The following SLC15A5 variants were observed in gnomAD, a reference collection of about 807,000 sequenced individuals.
The protein encoded by SLC15A5 is solute carrier family 15 member 5, also known as Peptide/histidine transporter ENSP00000340402.
A neutral mutation model predicts 56.1 loss-of-function variants in SLC15A5; 58 were observed. That is an observed-to-expected ratio of 1.03 (90% CI 0.84 to 1.29). SLC15A5 has a LOEUF of 1.29. Ranked by LOEUF, SLC15A5 falls within the 50% of genes most tolerant of loss-of-function variation. The pLI, the probability that SLC15A5 is intolerant of heterozygous loss-of-function variation, is 0.00. For missense variants in SLC15A5, 681 were observed against 672.1 expected, an observed-to-expected ratio of 1.01 and a Z score of -0.15; for synonymous variants, 264 against 250.5, an observed-to-expected ratio of 1.05 and a Z score of -0.51.
At chr12:16,193,835 G>C (rs912922912) in intron 8 of SLC15A5, among the ~76,000 whole-genome samples, 1 of 138,524 alleles carries the variant, frequency 7.2e-6, no homozygotes, top group Non-Finnish European at 1.5e-5. Flanking sequence ...GAGAGAGAGA[G>C]AGAGAGAGAG....
chr12:16,201,345 T>G (rs1169601741), intron 7 of SLC15A5, among the ~76,000 whole-genome samples: 2 of 152,076 alleles, frequency 1.3e-5, no homozygotes, highest in Non-Finnish European at 2.9e-5. Context: ...CAAAATATAC[T>G]ACAAAGCTAT....
chr12:16,273,533 C>T (rs1864784230), intron 1 of SLC15A5, among the ~76,000 whole-genome samples: 1 of 151,996 alleles, frequency 6.6e-6, no homozygotes. Context: ...TTTTGCTAAG[C>T]TCTTTATATT....
intron 7 of SLC15A5, among the ~76,000 whole-genome samples, chr12:16,213,080 C>T (rs1393516802): frequency 1.3e-5 from 2 of 151,946 alleles, no homozygotes; most frequent in African/African-American, 2.4e-5. Flanking sequence ...CTGATTGTAC[C>T]CATTTTGTAC....
At chr12:16,215,781 T>G (rs1162134951) in intron 7 of SLC15A5, among the ~76,000 whole-genome samples, 1 of 152,162 alleles carries the variant, frequency 6.6e-6, no homozygotes, top group Non-Finnish European at 1.5e-5. Flanking sequence ...CAGTCAAGGA[T>G]TAGTAGGTTT....
chr12:16,239,383 G>A (rs1864388308), intron 5 of SLC15A5, among the ~76,000 whole-genome samples: 1 of 152,166 alleles, frequency 6.6e-6, no homozygotes, highest in Non-Finnish European at 1.5e-5. Flanking sequence ...ATAGACTTAA[G>A]GGGTAAGGAC....
Position 16,272,678 on chromosome 12 carries a change from T to G in SLC15A5, c.467A>C (p.Tyr156Ser). 1 of 1,537,168 alleles carries G rather than the reference T, an allele frequency of 6.5e-7. No homozygotes were observed. The highest frequency in any genetic ancestry group is 8.7e-7 in the Non-Finnish European group (1 of 1,146,762). The stretch of plus-strand genomic sequence containing the variant: ...AAGGCAAATGGTCAGCAGTGCTACA[T>G]AAAACAGCCTGTGCTGCTCTGTTTT... ...IPKTEQHRLF[Y>S]VALLTICLGI... Residue 156 changes from tyrosine to serine, a missense_variant, in exon 2 of 9, where the codon TAT (tyrosine) becomes TCT (serine). Tyr to Ser is a moderately radical substitution (Grantham distance 144). Coordinates refer to ENST00000344941, the MANE Select transcript of SLC15A5 (RefSeq NM_001170798.1).
intron 2 of SLC15A5, 31 bp downstream of exon 2, chr12:16,272,530 C>T: frequency 6.6e-7 from 1 of 1,525,228 alleles, no homozygotes; most frequent in Non-Finnish European, 8.8e-7. Context: ...TGGTCATAAG[C>T]CTCTTTTCTC....
chr12:16,264,672 A>G (rs913798463), intron 2 of SLC15A5, among the ~76,000 whole-genome samples: 1 of 152,126 alleles, frequency 6.6e-6, no homozygotes, highest in Non-Finnish European at 1.5e-5. Flanking sequence ...CAGGTGGGAG[A>G]TGATAGAATC....
Position 16,228,048 on chromosome 12 carries a change from GAAAGATGGCAGTGGTA to G in SLC15A5, c.1163-3462_1163-3447del, listed in dbSNP as rs1864260334. 2.0e-5 allele frequency among the ~76,000 whole-genome samples: 3 copies of G among 152,304 alleles called. No homozygotes were observed. The South Asian group carries it at 6.2e-4, about 32-fold the overall frequency. The stretch of plus-strand genomic sequence containing the variant: ...TTATGAATATGAATCCAGGTGACTG[GAAAGATGGCAGTGGTA>G]ATATAAGTAAGAACCATAGTAGATA... On this transcript the variant is annotated intron_variant, in intron 5 of 8. Coordinates refer to ENST00000344941, the MANE Select transcript of SLC15A5 (RefSeq NM_001170798.1).
At chr12:16,213,445 A>G (rs1864102250) in intron 7 of SLC15A5, among the ~76,000 whole-genome samples, 1 of 152,084 alleles carries the variant, frequency 6.6e-6, no homozygotes, top group African/African-American at 2.4e-5. Context: ...GTATTTATCA[A>G]ATGTTTGAAG....
chr12:16,240,770 A>T (rs1162734131), intron 4 of SLC15A5, among the ~76,000 whole-genome samples: 2 of 152,118 alleles, frequency 1.3e-5, no homozygotes, highest in African/African-American at 4.8e-5. Context: ...CTTTTCTAGT[A>T]CATGAGCTTT....
chr12:16,190,079 G>C (rs1863826547), intron 8 of SLC15A5, among the ~76,000 whole-genome samples: 1 of 152,200 alleles, frequency 6.6e-6, no homozygotes, highest in East Asian at 1.9e-4. Context: ...TGCTGACAGA[G>C]AGATGGTGAG....
At chr12:16,249,090 A>G (rs1407884970) in intron 3 of SLC15A5, among the ~76,000 whole-genome samples, 1 of 151,978 alleles carries the variant, frequency 6.6e-6, no homozygotes, top group African/African-American at 2.4e-5. Context: ...ATGCTACTTA[A>G]TTATAATTAA....
intron 2 of SLC15A5, among the ~76,000 whole-genome samples, chr12:16,264,298 T>G (rs1864671702): frequency 6.6e-6 from 1 of 152,244 alleles, no homozygotes; most frequent in Admixed American, 6.5e-5. Flanking sequence ...TGCTGCATTT[T>G]GGACTTCCAC....
chr12:16,244,966 G>A (rs889068941), intron 3 of SLC15A5, among the ~76,000 whole-genome samples, 166 bp from the exon 4 acceptor site: 5 of 152,170 alleles, frequency 3.3e-5, no homozygotes, highest in African/African-American at 9.7e-5. Context: ...CAGTGATTCT[G>A]GCATCCTGAT....
intron 4 of SLC15A5, among the ~76,000 whole-genome samples, chr12:16,240,562 A>G (rs1864403716): frequency 6.6e-6 from 1 of 151,890 alleles, no homozygotes; most frequent in African/African-American, 2.4e-5. Flanking sequence ...GAAAGATACA[A>G]TTTTTTTAAA....
intron 2 of SLC15A5, among the ~76,000 whole-genome samples, chr12:16,260,161 T>C (rs1324351538): frequency 6.6e-6 from 1 of 152,254 alleles, no homozygotes. Flanking sequence ...TATATTAGTC[T>C]ACCTTTTCCC....
At chr12:16,204,661 C>T (rs1465102182) in intron 7 of SLC15A5, among the ~76,000 whole-genome samples, 1 of 151,970 alleles carries the variant, frequency 6.6e-6, no homozygotes, top group African/African-American at 2.4e-5. Context: ...AGCCCTGAAA[C>T]TGTCCCAAGA....
At chr12:16,236,762 A>G (rs747223299) in intron 5 of SLC15A5, among the ~76,000 whole-genome samples, 21 of 152,208 alleles carry the variant, frequency 1.4e-4, no homozygotes, top group Non-Finnish European at 2.6e-4. Flanking sequence ...ATGTGACAGT[A>G]TAAGGAGTAA....
Sources: allele counts gnomAD v4.1 joint callset (sites outside exome capture counted in the v4.1 genomes callset), GRCh38; gene constraint gnomAD v4.1.1; transcripts MANE v1.5; gene names NCBI Gene and HGNC (gene_info 2026-07-23, HGNC 2026-07-21).